Variants in MYH11 observed in about 807,000 individuals in gnomAD.
MYH11 encodes myosin heavy chain 11, also known as myosin-11.
In MYH11, 80 loss-of-function variants were observed where a neutral mutation model predicts 246.6. That is an observed-to-expected ratio of 0.32 (90% CI 0.27 to 0.39). The LOEUF is 0.39. MYH11 is among the 10% of genes least tolerant of loss of function. The pLI, the probability that MYH11 is intolerant of heterozygous loss-of-function variation, is 1.00. For synonymous variants in MYH11, 1,071 were observed against 1,015.5 expected, an observed-to-expected ratio of 1.05 and a Z score of -1.04; for missense variants, 2,158 against 2,546.8, an observed-to-expected ratio of 0.85 and a Z score of 3.29.
chr16:15,825,195 A>G (rs1490861490), intron 2 of MYH11, among the ~76,000 whole-genome samples: 2 of 152,110 alleles, frequency 1.3e-5, no homozygotes, highest in Non-Finnish European at 2.9e-5. Context: ...CAGAGGCTGG[A>G]AAGAGGTGGG....
chr16:15,807,781 G>T (rs553346413), intron 3 of MYH11, among the ~76,000 whole-genome samples: 4 of 152,228 alleles, frequency 2.6e-5, no homozygotes, highest in African/African-American at 7.2e-5. Context: ...GATGTGTAAG[G>T]CCCCAGGCAC....
At chr16:15,713,204 A>T (rs369794522) in intron 40 of MYH11, 1 of 152,050 alleles carries the variant, frequency 6.6e-6, no homozygotes. Flanking sequence ...GTCGGGTCCA[A>T]TGGAGGTGTT....
In MYH11 at chr16:15,788,095, T is replaced by TTTTTTTTTTTTTTTTTTTTTTTTTTA. The variant is rs11273419; in HGVS notation, c.531-1364_531-1363insTAAAAAAAAAAAAAAAAAAAAAAAAA. Among the ~76,000 whole-genome samples, 296 of 99,430 alleles carry TTTTTTTTTTTTTTTTTTTTTTTTTTA rather than the reference T, an allele frequency of 3.0e-3. 55 individuals carry two copies. Among genetic ancestry groups the TTTTTTTTTTTTTTTTTTTTTTTTTTA allele is most frequent in the East Asian group, 0.012 (30 of 2,488 alleles). The allele number at this position is 99,430 out of a possible 152,430, so 65.2% of individuals were successfully genotyped here. A position where few individuals can be genotyped will look rare whatever the true frequency, so the allele number is the denominator to read the frequency against. ...GGTAGATCTTTTTTTTTTTTTTTTT[T>TTTTTTTTTTTTTTTTTTTTTTTTTTA]ACCAAGATGGCTTTCGTGCACTAGC... On this transcript the variant is annotated intron_variant, in intron 4 of 40. Transcript: ENST00000300036.
chr16:15,747,792 A>G, intron 18 of MYH11, 62 bp from the exon 19 acceptor site: 1 of 1,612,616 alleles, frequency 6.2e-7, no homozygotes, highest in East Asian at 2.2e-5. Context: ...CAGTGATGAC[A>G]TGGGTAAGAA....
rs1479399329 is a variant in MYH11, at chr16:15,776,143, G to T, written c.824C>A (p.Ala275Asp). The T allele has an allele frequency of 1.2e-6, 2 of 1,614,096 alleles. No homozygotes were observed. Among genetic ancestry groups the T allele is most frequent in the Non-Finnish European group, 1.7e-6 (2 of 1,179,968 alleles). Residue 275 changes from alanine (A) to aspartate (D), a missense_variant, in exon 8 of 41, where the codon GCC (alanine) becomes GAC (aspartate). Around this residue, in one of 11 missense-constraint regions of MYH11, gnomAD observed 123 missense variants for 207.1 expected, o/e 0.59. Coordinates refer to ENST00000300036, the MANE Select transcript of MYH11 (RefSeq NM_002474.3). ...GATGTGGAATGTCCTCTCGTCTCTGGCTTGGCGAATTGCCCGTGATTTTTC... is the reference window on the plus strand; with the variant it reads ...GATGTGGAATGTCCTCTCGTCTCTGTCTTGGCGAATTGCCCGTGATTTTTC... ...LLEKSRAIRQ[A>D]RDERTFHIFY...
intron 3 of MYH11, among the ~76,000 whole-genome samples, chr16:15,817,233 T>C (rs1250432695): frequency 6.6e-6 from 1 of 152,210 alleles, no homozygotes; most frequent in Non-Finnish European, 1.5e-5. Flanking sequence ...GGCTCATGCC[T>C]GTAATCTCAG....
At position 15,724,941 on chromosome 16, in the gene MYH11, T is replaced by C; in HGVS notation, c.3910A>G (p.Ile1304Val). Reference sequence around the variant, plus strand: ...GACGCCACGTCCTTGGCCAGCTTAATGGCCTTCCCCTCGGCCTCGTTAAGC... The same window carrying C: ...GACGCCACGTCCTTGGCCAGCTTAACGGCCTTCCCCTCGGCCTCGTTAAGC... ...GMLNEAEGKAIKLAKDVASLS... is the reference protein window; with the variant it reads ...GMLNEAEGKAVKLAKDVASLS... The change falls in exon 29 of 41, where the codon ATT (isoleucine) becomes GTT (valine). Residue 1304 changes from isoleucine (I) to valine (V), a missense_variant. Transcript: ENST00000300036. 4 of 1,614,140 alleles carry C rather than the reference T, an allele frequency of 2.5e-6. No individual in the cohort carries two copies. The highest frequency in any genetic ancestry group is 2.5e-6 in the Non-Finnish European group (3 of 1,180,028).
intron 4 of MYH11, among the ~76,000 whole-genome samples, chr16:15,789,014 G>A (rs1230031834): frequency 5.3e-5 from 8 of 151,932 alleles, no homozygotes; most frequent in Admixed American, 5.2e-4. Context: ...GTCATTGGGG[G>A]GATATAGGGG....
chr16:15,733,632 T>G (rs1291089190), intron 26 of MYH11, among the ~76,000 whole-genome samples: 1 of 151,470 alleles, frequency 6.6e-6, no homozygotes, highest in East Asian at 1.9e-4. Flanking sequence ...AACCTCTGCC[T>G]CCCAGGTTCA....
intron 34 of MYH11, 44 bp downstream of exon 34, chr16:15,720,107 G>T: frequency 3.7e-6 from 6 of 1,613,404 alleles, no homozygotes; most frequent in Non-Finnish European, 5.1e-6. Flanking sequence ...GAGGGGAACT[G>T]TGCCCTCCCT....
chr16:15,746,814 G>A (rs997492293), intron 19 of MYH11, among the ~76,000 whole-genome samples: 8 of 152,162 alleles, frequency 5.3e-5, no homozygotes, highest in Non-Finnish European at 8.8e-5. Flanking sequence ...TAGGCTGGGC[G>A]CAGTGGGTCA....
In MYH11 at chr16:15,718,417, C is replaced by G; in HGVS notation, c.5193G>C (p.Lys1731Asn). The change falls in exon 37 of 41, where the codon AAG (lysine) becomes AAC (asparagine). Residue 1731 changes from lysine (K) to asparagine (N), a missense_variant. Lys to Asn is a moderately conservative substitution (Grantham distance 94). Transcript: ENST00000300036. ...LSGRNALQDEKRRLEARIAQL... is the reference protein window; with the variant it reads ...LSGRNALQDENRRLEARIAQL... ...GGGCGATCCGGGCCTCCAGGCGGCG[C>G]TTCTCGTCCTGGAGTGCGTTCCTGG... 6.3e-7 allele frequency: 1 copy of G among 1,581,248 alleles called. No individual in the cohort carries two copies. The highest frequency in any genetic ancestry group is 8.6e-7 in the Non-Finnish European group (1 of 1,164,932).
chr16:15,747,534 C>G (rs190739489), intron 19 of MYH11, 36 bp downstream of exon 19: 1 of 1,613,756 alleles, frequency 6.2e-7, no homozygotes, highest in Admixed American at 1.7e-5. Context: ...TTGTGATTCG[C>G]GTTTGAGGTA....
chr16:15,734,331 C>T (rs2041052842), intron 26 of MYH11, among the ~76,000 whole-genome samples: 1 of 151,924 alleles, frequency 6.6e-6, no homozygotes, highest in Admixed American at 6.6e-5. Flanking sequence ...GTCTCACTCA[C>T]TGTGTCACCC....
chr16:15,735,520 C>A lies in MYH11; in HGVS notation c.3352G>T (p.Gly1118Cys), dbSNP rs2041091681. Residue 1118 changes from glycine to cysteine, a missense_variant, in exon 26 of 41, where the codon GGC becomes TGC. Gly to Cys is a radical substitution (Grantham distance 159). Transcript: ENST00000300036. ...TCCTCCTGGAGGTCTGAGATGTGGC[C>A]CTCCAGCTCCCGGATCTTCTTCAGG... ...NALKKIRELE[G>C]HISDLQEDLD... is the part of the protein sequence containing the mutation. The A allele has an allele frequency of 3.7e-6, 6 of 1,614,162 alleles. No homozygotes were observed. Among genetic ancestry groups the A allele is most frequent in the Non-Finnish European group, 5.1e-6 (6 of 1,180,034 alleles).
intron 2 of MYH11, among the ~76,000 whole-genome samples, chr16:15,829,923 T>C (rs2043686498): frequency 6.6e-6 from 1 of 152,010 alleles, no homozygotes; most frequent in Admixed American, 6.6e-5. Flanking sequence ...TCACCTGAGG[T>C]CAAGAGTTCG....
At chr16:15,787,481 CTT>C (rs370002467) in intron 4 of MYH11, among the ~76,000 whole-genome samples, 61 of 116,016 alleles carry the variant, frequency 5.3e-4, no homozygotes, top group Middle Eastern at 5.5e-3. Flanking sequence ...GAATTATCTA[CTT>C]TTTTTTTTTT....
In MYH11 at chr16:15,771,570, T is replaced by C. The variant is rs112474866; in HGVS notation, c.1032A>G (p.Leu344=). The C allele has an allele frequency of 6.7e-5, 108 of 1,613,442 alleles. 2 individuals carry two copies. The South Asian group carries it at 1.1e-3, about 16-fold the overall frequency. Residue 344 remains leucine (L), a splice_region_variant and synonymous_variant, in exon 9 of 41, where the codon CTA becomes CTG. Coordinates refer to ENST00000300036, the MANE Select transcript of MYH11 (RefSeq NM_002474.3). ...CCAGACTCAAGGTGTGAGGCTTACA[T>C]AGCTGCTCCTCCTCGCTGAAACCCA... The part of the protein sequence containing the change: ...AIMGFSEEEQ[L]SILKVVSSVL...
intron 14 of MYH11, among the ~76,000 whole-genome samples, chr16:15,755,041 T>C (rs2041674015): frequency 6.6e-6 from 1 of 152,136 alleles, no homozygotes; most frequent in African/African-American, 2.4e-5. Flanking sequence ...CAGCCAGCCA[T>C]AGACATTATG....
Sources: allele counts gnomAD v4.1 joint callset (sites outside exome capture counted in the v4.1 genomes callset), GRCh38; gene constraint gnomAD v4.1.1; regional missense constraint gnomAD v4.1.1; transcripts MANE v1.5; gene names NCBI Gene and HGNC (gene_info 2026-07-23, HGNC 2026-07-21).